The following AHR variants were observed in gnomAD, a reference collection of about 807,000 sequenced individuals.
AHR encodes the protein AH-receptor.
In AHR, 40 loss-of-function variants were observed where a neutral mutation model predicts 86.8. That is an observed-to-expected ratio of 0.46 (90% CI 0.36 to 0.60). The LOEUF is 0.60. Among genes scored for constraint, AHR ranks in the 20% least tolerant of loss-of-function variants. AHR has a pLI of 0.00. For synonymous variants in AHR, 398 were observed against 354.9 expected, an observed-to-expected ratio of 1.12 and a Z score of -1.37; for missense variants, 1,001 against 1,011.6, an observed-to-expected ratio of 0.99 and a Z score of 0.14.
At chr7:17,322,134 T>C (rs868456435) in intron 2 of AHR, among the ~76,000 whole-genome samples, 1 of 152,018 alleles carries the variant, frequency 6.6e-6, no homozygotes, top group Admixed American at 6.6e-5. Flanking sequence ...TGGAGAACTT[T>C]AGTCTCCTAA....
rs1161947711 is a variant in AHR, at chr7:17,299,027, C to T, written c.-238C>T. On this transcript the variant is annotated 5_prime_UTR_variant, in exon 1 of 11. Coordinates refer to ENST00000242057, the MANE Select transcript of AHR (RefSeq NM_001621.5). Reference sequence around the variant, plus strand: ...TTGCTCGCGGGTCTCCGCCCCTCGCCCACCCTCACTGCGCCAGGCCCAGGC... The same window carrying T: ...TTGCTCGCGGGTCTCCGCCCCTCGCTCACCCTCACTGCGCCAGGCCCAGGC... 4 of 479,260 alleles carry T rather than the reference C, an allele frequency of 8.3e-6. No homozygotes were observed. Among genetic ancestry groups the T allele is most frequent in the African/African-American group, 2.0e-5 (1 of 48,958 alleles). The allele number at this position is 479,260 out of a possible 1,614,324, so 29.7% of individuals were successfully genotyped here.
Position 17,339,468 on chromosome 7 carries a change from T to C in AHR, c.1643T>C (p.Ile548Thr), listed in dbSNP as rs1782394014. Residue 548 changes from isoleucine (I) to threonine (T), a missense_variant, in exon 10 of 11, where the codon ATT becomes ACT. Ile to Thr is a moderately conservative substitution (Grantham distance 89, BLOSUM62 -1). Around this residue, in one of 2 missense-constraint regions of AHR, gnomAD observed 607 missense variants for 543.1 expected, o/e 1.12. Transcript: ENST00000242057. ...DLYSIMKNLG[I>T]DFEDIRHMQN... ...TACAGCATAATGAAAAACCTAGGCA[T>C]TGATTTTGAAGACATCAGACACATG... 1 of 1,614,058 alleles carries C rather than the reference T, an allele frequency of 6.2e-7. No homozygotes were observed. The highest frequency in any genetic ancestry group is 1.7e-5 in the Admixed American group (1 of 60,004).
chr7:17,334,814 G>T (rs1258290853), intron 7 of AHR, 73 bp from the exon 8 acceptor site: 2 of 1,093,724 alleles, frequency 1.8e-6, no homozygotes, highest in South Asian at 1.6e-5. Flanking sequence ...TAAAACCAAT[G>T]AATTTATCTT....
At chr7:17,320,286 T>A (rs1782155413) in intron 2 of AHR, among the ~76,000 whole-genome samples, 1 of 152,038 alleles carries the variant, frequency 6.6e-6, no homozygotes, top group South Asian at 2.1e-4. Context: ...TTACATTGGC[T>A]AATACTCCCA....
intron 2 of AHR, among the ~76,000 whole-genome samples, chr7:17,317,920 ATATAGT>A (rs1422104466): frequency 1.3e-5 from 2 of 151,910 alleles, no homozygotes; most frequent in African/African-American, 2.4e-5. Context: ...GAGATTTGTC[ATATAGT>A]TATAGAGGAA....
chr7:17,327,958 A>T, intron 4 of AHR, 110 bp downstream of exon 4: 2 of 324,602 alleles, frequency 6.2e-6, no homozygotes, highest in Non-Finnish European at 1.0e-5. Flanking sequence ...TATGCTGTAG[A>T]ATACAGTATG....
rs1378050100 is a variant in AHR, at chr7:17,327,866, A to G, written c.450+18A>G. 1 of 1,082,008 alleles carries G rather than the reference A, an allele frequency of 9.2e-7. No individual in the cohort carries two copies. Among genetic ancestry groups the G allele is most frequent in the Non-Finnish European group, 1.2e-6 (1 of 804,690 alleles). The allele number at this position is 1,082,008 out of a possible 1,614,324, so 67.0% of individuals were successfully genotyped here. On this transcript the variant is annotated intron_variant, in intron 4 of 10. Coordinates refer to ENST00000242057, the MANE Select transcript of AHR (RefSeq NM_001621.5). ...TTCAGCAGGTAAGTATATATTATTTATATCATTTATATTATTATATCATTT... is the reference window on the plus strand; with the variant it reads ...TTCAGCAGGTAAGTATATATTATTTGTATCATTTATATTATTATATCATTT...
intron 4 of AHR, among the ~76,000 whole-genome samples, chr7:17,328,702 G>A (rs899599163): frequency 1.3e-5 from 2 of 151,866 alleles, no homozygotes; most frequent in African/African-American, 4.8e-5. Flanking sequence ...ATATAGACTA[G>A]AGCTTCAACT....
At chr7:17,334,337 T>C (rs1271489330) in intron 7 of AHR, among the ~76,000 whole-genome samples, 4 of 152,062 alleles carry the variant, frequency 2.6e-5, no homozygotes, top group African/African-American at 9.7e-5. Flanking sequence ...GATGTTCTTA[T>C]ATATTAGTAA....
intron 1 of AHR, among the ~76,000 whole-genome samples, chr7:17,304,356 A>G (rs943209772): frequency 2.6e-5 from 4 of 152,074 alleles, no homozygotes; most frequent in African/African-American, 9.7e-5. Flanking sequence ...TATATTGTTT[A>G]CTGTTTAGCT....
At chr7:17,320,962 A>G (rs1386680163) in intron 2 of AHR, among the ~76,000 whole-genome samples, 1 of 152,128 alleles carries the variant, frequency 6.6e-6, no homozygotes, top group Non-Finnish European at 1.5e-5. Flanking sequence ...CTGATGATTT[A>G]CCAGAAAATA....
intron 1 of AHR, among the ~76,000 whole-genome samples, chr7:17,307,653 G>A (rs1464632049): frequency 6.6e-6 from 1 of 152,172 alleles, no homozygotes; most frequent in African/African-American, 2.4e-5. Context: ...GGACAGTTCA[G>A]AGCTACTGAA....
Position 17,345,949 on chromosome 7 carries a change from A to G in AHR, c.*2885A>G, listed in dbSNP as rs1315498076. ...AGACTTACCAGTATTCTAGTGTATTATGAAGCTTTCAACATTACTATGCAC... is the reference window on the plus strand; with the variant it reads ...AGACTTACCAGTATTCTAGTGTATTGTGAAGCTTTCAACATTACTATGCAC... On this transcript the variant is annotated 3_prime_UTR_variant, in exon 11 of 11. Coordinates refer to ENST00000242057, the MANE Select transcript of AHR (RefSeq NM_001621.5). 1 of 152,762 alleles carries G rather than the reference A, an allele frequency of 6.5e-6. No homozygotes were observed. Among genetic ancestry groups the G allele is most frequent in the African/African-American group, 2.4e-5 (1 of 41,468 alleles). 9.5% of individuals were successfully genotyped at this position (152,762 alleles called of 1,614,324 possible).
intron 1 of AHR, among the ~76,000 whole-genome samples, chr7:17,301,033 A>T (rs551919639): frequency 6.6e-6 from 1 of 152,186 alleles, no homozygotes; most frequent in Non-Finnish European, 1.5e-5. Context: ...TTATTAGATT[A>T]TCCTAATATT....
At chr7:17,336,227 G>A (rs1228143665) in intron 9 of AHR, among the ~76,000 whole-genome samples, 2 of 152,024 alleles carry the variant, frequency 1.3e-5, no homozygotes, top group Non-Finnish European at 2.9e-5. Flanking sequence ...GTAGCTTGAG[G>A]TAAGGATTGA....
At position 17,327,720 on chromosome 7, in the gene AHR, A is replaced by T. The variant is rs1457189196; in HGVS notation, c.361-39A>T. On this transcript the variant is annotated intron_variant, in intron 3 of 10. Transcript: ENST00000242057. The stretch of plus-strand genomic sequence containing the variant: ...TAACCTTTATCTGATGGTCAATATT[A>T]AGTCATATTACTAATTTTAGAACTT... 4.3e-6 allele frequency: 5 copies of T among 1,160,646 alleles called. No individual in the cohort carries two copies. In the African/African-American group the frequency reaches 7.7e-5, roughly 18 times the overall value. 71.9% of individuals were successfully genotyped at this position (1,160,646 alleles called of 1,614,324 possible).
At position 17,339,374 on chromosome 7, in the gene AHR, C is replaced by T. The variant is rs72552768; in HGVS notation, c.1549C>T (p.Pro517Ser). 833 of 1,614,204 alleles carry T rather than the reference C, an allele frequency of 5.2e-4. 5 individuals carry two copies. The African/African-American group carries it at 9.8e-3, about 19-fold the overall frequency. ...CCTGAAACATGAGCAAATTGACCAG[C>T]CTCAGGATGTGAACTCATTTGCTGG... ...TILKHEQIDQ[P>S]QDVNSFAGGH... is the part of the protein sequence containing the mutation. Residue 517 changes from proline (P) to serine (S), a missense_variant, in exon 10 of 11, where the codon CCT (proline) becomes TCT (serine). This residue lies in a region of AHR where 607 missense variants were observed against 543.1 expected (regional missense o/e 1.12). Transcript: ENST00000242057.
intron 1 of AHR, among the ~76,000 whole-genome samples, chr7:17,306,499 G>A (rs150976011): frequency 6.6e-6 from 1 of 152,140 alleles, no homozygotes; most frequent in African/African-American, 2.4e-5. Flanking sequence ...TTCTTCCTCT[G>A]TGTATTTGAC....
intron 5 of AHR, among the ~76,000 whole-genome samples, chr7:17,330,452 T>C (rs779136077): frequency 6.6e-6 from 1 of 151,938 alleles, no homozygotes; most frequent in African/African-American, 2.4e-5. Context: ...AAAAATGCTT[T>C]TCTCAATGCA....
Sources: allele counts gnomAD v4.1 joint callset (sites outside exome capture counted in the v4.1 genomes callset), GRCh38; gene constraint gnomAD v4.1.1; regional missense constraint gnomAD v4.1.1; transcripts MANE v1.5; gene names NCBI Gene and HGNC (gene_info 2026-07-23, HGNC 2026-07-21).